ZMYM2: variants seen among roughly 807,000 people sequenced by gnomAD.
ZMYM2 encodes zinc finger MYM-type protein 2.
ZMYM2 carries 56 observed loss-of-function variants against 162.8 expected under a neutral mutation model. The observed-to-expected ratio is 0.34, with a 90% CI of 0.28 to 0.43. ZMYM2 has a LOEUF of 0.43. ZMYM2 is among the 20% of genes least tolerant of loss of function. The pLI, the probability that ZMYM2 is intolerant of heterozygous loss-of-function variation, is 1.00. For missense variants in ZMYM2, 1,275 were observed against 1,621.8 expected (o/e 0.79, Z 3.67); for synonymous variants, 510 against 541.6 (o/e 0.94, Z 0.81).
the ZMYM2 span, among the ~76,000 whole-genome samples, chr13:19,933,903 G>A: frequency 7.2e-5 from 11 of 152,216 alleles, no homozygotes; most frequent in African/African-American, 2.7e-4. Flanking sequence ...CAGTGCTTCT[G>A]TTCTGGTCAG....
intron 21 of ZMYM2, among the ~76,000 whole-genome samples, chr13:20,074,242 G>GAGAC (rs1566459988): frequency 6.6e-6 from 1 of 151,082 alleles, no homozygotes; most frequent in African/African-American, 2.4e-5. Flanking sequence ...GTGTGTGAGA[G>GAGAC]AGACAGAGAG....
At chr13:19,915,414 T>TC in the ZMYM2 span, among the ~76,000 whole-genome samples, 3 of 151,450 alleles carry the variant, frequency 2.0e-5, no homozygotes, top group Non-Finnish European at 2.9e-5. Context: ...GCTTGCTTGC[T>TC]TTTTCTTTCT....
the ZMYM2 span, chr13:19,863,946 C>T: frequency 6.6e-6 from 1 of 152,300 alleles, no homozygotes; most frequent in Non-Finnish European, 1.5e-5. Flanking sequence ...CGAGATTCGC[C>T]GCCCGTCGTA....
At chr13:19,999,125 A>G (rs1263531482) in intron 3 of ZMYM2, among the ~76,000 whole-genome samples, 1 of 152,156 alleles carries the variant, frequency 6.6e-6, no homozygotes, top group South Asian at 2.1e-4. Flanking sequence ...AATAGTTACC[A>G]CACCTCAGTA....
chr13:20,083,073 T>G, intron 23 of ZMYM2, 41 bp downstream of exon 23: 1 of 1,495,766 alleles, frequency 6.7e-7, no homozygotes, highest in Non-Finnish European at 8.9e-7. Context: ...ATTTTTAAAT[T>G]TTTTTTGAGA....
chr13:19,973,039 C>T (rs900124117), intron 2 of ZMYM2, among the ~76,000 whole-genome samples: 4 of 151,312 alleles, frequency 2.6e-5, no homozygotes, highest in Admixed American at 6.6e-5. Flanking sequence ...AGGGTTCAAG[C>T]GATTCTCCTG....
chr13:20,060,417 G>A (rs893812951), intron 16 of ZMYM2, among the ~76,000 whole-genome samples: 2 of 152,086 alleles, frequency 1.3e-5, no homozygotes, highest in African/African-American at 2.4e-5. Context: ...AGTGGCTCAC[G>A]CCTGTAATCC....
intron 12 of ZMYM2, among the ~76,000 whole-genome samples, chr13:20,042,948 T>G (rs1377943011): frequency 1.3e-5 from 2 of 152,152 alleles, no homozygotes; most frequent in African/African-American, 4.8e-5. Context: ...GGTCTCGAAC[T>G]CCTGACCTTA....
chr13:20,033,574 A>C (rs1953398320), intron 10 of ZMYM2, among the ~76,000 whole-genome samples: 1 of 152,356 alleles, frequency 6.6e-6, no homozygotes, highest in South Asian at 2.1e-4. Context: ...ACTGTAAAGT[A>C]AATGGTTTAG....
the ZMYM2 span, among the ~76,000 whole-genome samples, chr13:19,909,072 A>C: frequency 6.6e-6 from 1 of 152,150 alleles, no homozygotes; most frequent in Non-Finnish European, 1.5e-5. Context: ...ATGATGATGG[A>C]TTTTAACGTT....
intron 14 of ZMYM2, among the ~76,000 whole-genome samples, chr13:20,054,014 A>T (rs1344793010): frequency 6.6e-6 from 1 of 152,206 alleles, no homozygotes; most frequent in Non-Finnish European, 1.5e-5. Flanking sequence ...CAGCACTTGA[A>T]CCAAACTATA....
At chr13:20,010,691 A>G (rs1292115783) in intron 6 of ZMYM2, among the ~76,000 whole-genome samples, 1 of 151,906 alleles carries the variant, frequency 6.6e-6, no homozygotes, top group Non-Finnish European at 1.5e-5. Flanking sequence ...CCCAGGCTGG[A>G]GTGCAGCAGC....
intron 12 of ZMYM2, 64 bp from the exon 13 acceptor site, chr13:20,051,369 G>A: frequency 6.4e-7 from 1 of 1,554,022 alleles, no homozygotes; most frequent in Non-Finnish European, 8.7e-7. Flanking sequence ...AATAATCACT[G>A]ATAAACTTCT....
intron 9 of ZMYM2, among the ~76,000 whole-genome samples, chr13:20,030,110 C>G (rs1171540592): frequency 2.6e-5 from 4 of 151,100 alleles, no homozygotes; most frequent in Non-Finnish European, 5.9e-5. Context: ...ATTGTTTTAA[C>G]TTTAAAAAAA....
At chr13:20,085,548 T>C (rs964483371) in intron 24 of ZMYM2, among the ~76,000 whole-genome samples, 10 of 152,250 alleles carry the variant, frequency 6.6e-5, no homozygotes, top group Non-Finnish European at 8.8e-5. Flanking sequence ...ATTGGCAGTG[T>C]TTCACTTGCT....
At chr13:19,949,685 G>A in the ZMYM2 span, among the ~76,000 whole-genome samples, 2 of 151,876 alleles carry the variant, frequency 1.3e-5, no homozygotes, top group African/African-American at 4.8e-5. Context: ...TCAGGAGTTC[G>A]AGACCAGCCT....
intron 21 of ZMYM2, among the ~76,000 whole-genome samples, chr13:20,078,008 G>T (rs1465891947): frequency 6.6e-6 from 1 of 151,760 alleles, no homozygotes; most frequent in East Asian, 1.9e-4. Flanking sequence ...TAGTAGAGAC[G>T]GGGTTTCACT....
intron 3 of ZMYM2, among the ~76,000 whole-genome samples, chr13:20,002,547 GTTGCT>G (rs1468548183): frequency 6.6e-6 from 1 of 152,090 alleles, no homozygotes; most frequent in East Asian, 1.9e-4. Flanking sequence ...TGTACAACAT[GTTGCT>G]TTGAAGTAGA....
chr13:20,012,171 C>G (rs1205960827), intron 6 of ZMYM2, among the ~76,000 whole-genome samples: 2 of 151,444 alleles, frequency 1.3e-5, no homozygotes, highest in African/African-American at 2.4e-5. Context: ...AGGCGTGAGC[C>G]TCCGCCCCTG....
Sources: gnomAD v4.1 joint callset for allele counts (sites outside exome capture counted in the v4.1 genomes callset) on GRCh38, gnomAD v4.1.1 for gene constraint, MANE v1.5 for transcripts, NCBI Gene and HGNC (gene_info 2026-07-23, HGNC 2026-07-21) for gene names.